Variants in SMAD1 observed in about 807,000 individuals in gnomAD.
The protein encoded by SMAD1 is SMAD family member 1.
A neutral mutation model predicts 41.6 loss-of-function variants in SMAD1; 6 were observed. The observed-to-expected ratio is 0.14, with a 90% confidence interval of 0.08 to 0.28. The LOEUF is 0.28. Among genes scored for constraint, SMAD1 ranks in the 10% least tolerant of loss-of-function variants. The pLI is 1.00. For missense variants in SMAD1, 379 were observed against 582.6 expected, an observed-to-expected ratio of 0.65 and a Z score of 3.60; for synonymous variants, 206 against 203.2, an observed-to-expected ratio of 1.01 and a Z score of -0.12.
At chr4:145,510,586 T>G (rs1240543145) in intron 1 of SMAD1, among the ~76,000 whole-genome samples, 10 of 152,302 alleles carry the variant, frequency 6.6e-5, no homozygotes, top group South Asian at 6.2e-4. Flanking sequence ...GAATATGTTC[T>G]ATATGATTTT....
rs201595577 is a variant in SMAD1, at chr4:145,558,081, A to AAC, written c.*148_*149insCA. The AAC allele has an allele frequency of 1.9e-3, 651 of 338,258 alleles. 5 individuals are homozygous for AAC. Among genetic ancestry groups the AAC allele is most frequent in the African/African-American group, 0.013 (595 of 44,850 alleles). 21.0% of individuals were successfully genotyped at this position (338,258 alleles called of 1,614,324 possible). A position where few individuals can be genotyped will look rare whatever the true frequency, so the allele number is the denominator to read the frequency against. Reference sequence around the variant, plus strand: ...ACTGTTGGATTCAGAAATTTAAACAAAAAAAAAAAAAAACACACACACCTT... The same window carrying AAC: ...ACTGTTGGATTCAGAAATTTAAACAAACAAAAAAAAAAAAACACACACACCTT... On this transcript the variant is annotated 3_prime_UTR_variant, in exon 7 of 7. Coordinates refer to ENST00000302085, the MANE Select transcript of SMAD1 (RefSeq NM_005900.3).
At chr4:145,533,272 A>C (rs1019809767) in intron 2 of SMAD1, among the ~76,000 whole-genome samples, 1 of 152,232 alleles carries the variant, frequency 6.6e-6, no homozygotes, top group Non-Finnish European at 1.5e-5. Flanking sequence ...TAGTGTGAAC[A>C]TTTATTGTCC....
chr4:145,495,769 C>T (rs1578742594), intron 1 of SMAD1, among the ~76,000 whole-genome samples: 3 of 143,090 alleles, frequency 2.1e-5, no homozygotes, highest in Admixed American at 2.1e-4. Context: ...GCATGCACCA[C>T]AGTGCTTGGC....
intron 2 of SMAD1, among the ~76,000 whole-genome samples, chr4:145,535,901 A>G (rs1400724776): frequency 6.6e-6 from 1 of 152,010 alleles, no homozygotes; most frequent in African/African-American, 2.4e-5. Context: ...ATTTCAAAGT[A>G]ATAAAATAAC....
chr4:145,545,549 GT>G (rs66796371), intron 4 of SMAD1: 13 of 146,834 alleles, frequency 8.9e-5, no homozygotes, highest in African/African-American at 2.8e-4. Flanking sequence ...TATTTTCCTT[GT>G]TTTTTTTTTG....
At chr4:145,530,292 C>T (rs1326990422) in intron 2 of SMAD1, among the ~76,000 whole-genome samples, 1 of 152,124 alleles carries the variant, frequency 6.6e-6, no homozygotes, top group Non-Finnish European at 1.5e-5. Context: ...GCTGTTAGAA[C>T]TGAGACTTGG....
chr4:145,515,440 A>T (rs1730330440), intron 2 of SMAD1, among the ~76,000 whole-genome samples: 2 of 152,218 alleles, frequency 1.3e-5, no homozygotes, highest in Non-Finnish European at 2.9e-5. Context: ...TGCTGTCTAT[A>T]TGCTTAAGGG....
At chr4:145,525,640 T>A (rs1010882222) in intron 2 of SMAD1, 1 of 152,672 alleles carries the variant, frequency 6.5e-6, no homozygotes, top group Non-Finnish European at 1.5e-5. Flanking sequence ...TGAGCTGGGC[T>A]GAGCTGGGCC....
At chr4:145,526,103 C>T (rs1246064077) in intron 2 of SMAD1, among the ~76,000 whole-genome samples, 2 of 152,168 alleles carry the variant, frequency 1.3e-5, no homozygotes, top group Admixed American at 1.3e-4. Context: ...TGTGGCCTGG[C>T]GTGGTCTGGC....
intron 1 of SMAD1, chr4:145,497,052 T>G (rs968606891): frequency 6.6e-6 from 1 of 152,250 alleles, no homozygotes; most frequent in African/African-American, 2.4e-5. Flanking sequence ...TTTTGAATCT[T>G]AAATAGGCAT....
intron 2 of SMAD1, among the ~76,000 whole-genome samples, chr4:145,528,088 CACACAT>C (rs1320505250): frequency 8.5e-5 from 12 of 140,694 alleles, no homozygotes; most frequent in African/African-American, 3.1e-4. Flanking sequence ...CACACACACA[CACACAT>C]ACACACACAT....
At chr4:145,510,813 G>T (rs1170254121) in intron 1 of SMAD1, among the ~76,000 whole-genome samples, 1 of 152,064 alleles carries the variant, frequency 6.6e-6, no homozygotes, top group Non-Finnish European at 1.5e-5. Context: ...CTCCCACTAG[G>T]ATTGTGGGTT....
At chr4:145,498,276 G>A (rs1207711416) in intron 1 of SMAD1, among the ~76,000 whole-genome samples, 1 of 152,090 alleles carries the variant, frequency 6.6e-6, no homozygotes, top group Non-Finnish European at 1.5e-5. Flanking sequence ...TTGATTATGT[G>A]CCTGAATCCT....
At chr4:145,541,357 G>A (rs1451081950) in intron 3 of SMAD1, among the ~76,000 whole-genome samples, 1 of 152,204 alleles carries the variant, frequency 6.6e-6, no homozygotes, top group East Asian at 1.9e-4. Context: ...AGAATTATCG[G>A]GTTCCTCTTG....
At chr4:145,502,279 C>CTA (rs1471361150) in intron 1 of SMAD1, among the ~76,000 whole-genome samples, 1 of 152,124 alleles carries the variant, frequency 6.6e-6, no homozygotes, top group Non-Finnish European at 1.5e-5. Flanking sequence ...TCTTGAAAGG[C>CTA]TACCGTGTCC....
At chr4:145,523,304 C>A (rs1050450460) in intron 2 of SMAD1, among the ~76,000 whole-genome samples, 12 of 152,182 alleles carry the variant, frequency 7.9e-5, no homozygotes, top group Non-Finnish European at 1.8e-4. Flanking sequence ...CTAACTCTTA[C>A]ACACCCAGGA....
intron 1 of SMAD1, among the ~76,000 whole-genome samples, chr4:145,509,542 T>A (rs1729965388): frequency 6.6e-6 from 1 of 152,210 alleles, no homozygotes; most frequent in Non-Finnish European, 1.5e-5. Flanking sequence ...GATGCAAACT[T>A]AGCCATTCTG....
rs1457839327 is a variant in SMAD1 at position 145,557,881 on chromosome 4, A to C, written c.1345A>C (p.Lys449Gln). Residue 449 changes from lysine (K) to glutamine (Q), a missense_variant, in exon 7 of 7, where the codon AAA (lysine) becomes CAA (glutamine). Around this residue, in one of 3 missense-constraint regions of SMAD1, gnomAD observed 107 missense variants for 218.3 expected, o/e 0.49. Coordinates refer to ENST00000302085, the MANE Select transcript of SMAD1 (RefSeq NM_005900.3). The part of the protein sequence containing the change: ...HLHGPLQWLD[K>Q]VLTQMGSPHN... Reference sequence around the variant, plus strand: ...GCACGGCCCCCTCCAGTGGCTGGATAAAGTTCTTACTCAAATGGGTTCACC... The same window carrying C: ...GCACGGCCCCCTCCAGTGGCTGGATCAAGTTCTTACTCAAATGGGTTCACC... The C allele has an allele frequency of 1.2e-6, 2 of 1,612,898 alleles. No individual in the cohort carries two copies. The highest frequency in any genetic ancestry group is 1.7e-6 in the Non-Finnish European group (2 of 1,179,172).
At chr4:145,481,006 A>T (rs775971123), upstream of SMAD1, among the ~76,000 whole-genome samples, 14 of 149,518 alleles carry the variant, frequency 9.4e-5, no homozygotes, top group African/African-American at 3.5e-4. Flanking sequence ...TATAGTAATT[A>T]TGCAAGATTT....
Sources: gnomAD v4.1 joint callset for allele counts (sites outside exome capture counted in the v4.1 genomes callset) on GRCh38, gnomAD v4.1.1 for gene constraint, gnomAD v4.1.1 regional missense constraint, MANE v1.5 for transcripts, NCBI Gene and HGNC (gene_info 2026-07-23, HGNC 2026-07-21) for gene names.